CACNA2D4: variants seen among roughly 807,000 people sequenced by gnomAD.
CACNA2D4 encodes the protein calcium voltage-gated channel auxiliary subunit alpha2delta 4.
CACNA2D4 carries 157 observed loss-of-function variants against 163.8 expected under a neutral mutation model. The ratio of observed to expected loss-of-function variants is 0.96; its 90% CI spans 0.84 to 1.09. The LOEUF (loss-of-function observed/expected upper bound fraction) is 1.09. Ranked by LOEUF, CACNA2D4 falls within the 50% of genes least tolerant of loss-of-function variation. The pLI, the probability that CACNA2D4 is intolerant of heterozygous loss-of-function variation, is 0.00. For missense variants in CACNA2D4, 1,410 were observed against 1,479.9 expected (o/e 0.95, Z 0.78); for synonymous variants, 598 against 586.9 (o/e 1.02, Z -0.27).
chr12:1,821,457 G>A (rs1864097119), intron 26 of CACNA2D4, among the ~76,000 whole-genome samples: 1 of 152,328 alleles, frequency 6.6e-6, no homozygotes, highest in South Asian at 2.1e-4. Context: ...GGCTGGGAGT[G>A]GGCAGGAGAG....
At position 1,906,272 on chromosome 12, in the gene CACNA2D4, G is replaced by T. The variant is rs115034201; in HGVS notation, c.781+1168C>A. Among the ~76,000 whole-genome samples, 538 of 152,046 alleles carry T rather than the reference G, an allele frequency of 3.5e-3. 3 individuals carry two copies. Among genetic ancestry groups the T allele is most frequent in the African/African-American group, 0.012 (492 of 41,462 alleles). ...CATTAGAGTTGGCAGTCATTCCTTG[G>T]GTATGACACCAAAGGCAAAGAAAAC... On this transcript the variant is annotated intron_variant, in intron 6 of 37. Coordinates refer to ENST00000382722, the MANE Select transcript of CACNA2D4 (RefSeq NM_172364.5).
In CACNA2D4 at chr12:1,798,150, C is replaced by T. The variant is rs745434706; in HGVS notation, c.2996-615G>A. Reference sequence around the variant, plus strand: ...GGGCTGCGCGATTTGCCTTAGCTCCCTGGGACAAGGACAGTGGACTCAACC... The same window carrying T: ...GGGCTGCGCGATTTGCCTTAGCTCCTTGGGACAAGGACAGTGGACTCAACC... On this transcript the variant is annotated intron_variant, in intron 34 of 37. Coordinates refer to ENST00000382722, the MANE Select transcript of CACNA2D4 (RefSeq NM_172364.5). This position sits in a 1 kb window ranked among gnomAD's most constrained non-coding sequence, Gnocchi z 4.3. 6.6e-6 allele frequency among the ~76,000 whole-genome samples: 1 copy of T among 152,206 alleles called. No homozygotes were observed. The highest frequency in any genetic ancestry group is 1.5e-5 in the Non-Finnish European group (1 of 68,018).
chr12:1,859,174 C>A (rs1194663959), intron 19 of CACNA2D4, among the ~76,000 whole-genome samples: 2 of 152,088 alleles, frequency 1.3e-5, no homozygotes, highest in African/African-American at 2.4e-5. Context: ...CACAGCGAGA[C>A]CCCAGCTCTA....
chr12:1,835,905 G>A (rs1413440071), intron 26 of CACNA2D4: 1 of 152,470 alleles, frequency 6.6e-6, no homozygotes, highest in Non-Finnish European at 1.5e-5. Context: ...CCTGGCCTGT[G>A]ACTTCAGGGC....
chr12:1,902,931 A>G lies in CACNA2D4; in HGVS notation c.781+4509T>C, dbSNP rs1866569956. Among the ~76,000 whole-genome samples, 6 of 152,244 alleles carry G rather than the reference A, an allele frequency of 3.9e-5. No homozygotes were observed. The South Asian group carries it at 1.0e-3, about 26-fold the overall frequency. ...AAGTTATCCTGAGCAAAAAGAACAA[A>G]ACTGGAGGAGTAACATTACCTGACT... On this transcript the variant is annotated intron_variant, in intron 6 of 37. Coordinates refer to ENST00000382722, the MANE Select transcript of CACNA2D4 (RefSeq NM_172364.5).
chr12:1,796,539 C>T (rs1863132993), intron 35 of CACNA2D4, among the ~76,000 whole-genome samples: 1 of 152,228 alleles, frequency 6.6e-6, no homozygotes, highest in African/African-American at 2.4e-5. Flanking sequence ...CTCCGGAGCC[C>T]GCTGGCTCTA....
chr12:1,814,723 A>C (rs1192904280), intron 26 of CACNA2D4, among the ~76,000 whole-genome samples: 1 of 152,180 alleles, frequency 6.6e-6, no homozygotes. Context: ...CCCTTGGCCA[A>C]GCCAACATTG....
At chr12:1,817,629 G>T (rs993680729) in intron 26 of CACNA2D4, among the ~76,000 whole-genome samples, 2 of 152,210 alleles carry the variant, frequency 1.3e-5, no homozygotes, top group African/African-American at 4.8e-5. Context: ...GATTGCAGGC[G>T]TGCGCCGCCA....
rs58188909 is a variant in CACNA2D4, at chr12:1,840,845, A to AC, written c.2471-27_2471-26insG. The stretch of plus-strand genomic sequence containing the variant: ...CTGGGGAAACAGAGACAACCCAGTC[A>AC]TGGGGAAGAGCTGTGGTTGGGGCAG... On this transcript the variant is annotated intron_variant, in intron 25 of 37. Transcript: ENST00000382722. The AC allele has an allele frequency of 0.89, 1,431,695 of 1,609,380 alleles. 638,037 individuals are homozygous for AC. Among genetic ancestry groups the AC allele is most frequent in the East Asian group, 1 (44,848 of 44,860 alleles).
chr12:1,908,438 C>T (rs1484480448), intron 4 of CACNA2D4, among the ~76,000 whole-genome samples: 1 of 152,212 alleles, frequency 6.6e-6, no homozygotes, highest in African/African-American at 2.4e-5. Flanking sequence ...CGAGCCTGCG[C>T]AATCTTGGGG....
intron 19 of CACNA2D4, among the ~76,000 whole-genome samples, chr12:1,859,549 A>C (rs1272450531): frequency 6.6e-6 from 1 of 152,228 alleles, no homozygotes; most frequent in African/African-American, 2.4e-5. Flanking sequence ...GGAACCTGAG[A>C]TCTTCCAATT....
chr12:1,915,276 G>C, intron 1 of CACNA2D4: 1 of 702,580 alleles, frequency 1.4e-6, no homozygotes, highest in Admixed American at 2.0e-5. Context: ...CGGCTGCACT[G>C]CTGTGTGCTG....
At chr12:1,826,752 C>T (rs1053543020) in intron 26 of CACNA2D4, among the ~76,000 whole-genome samples, 2 of 152,316 alleles carry the variant, frequency 1.3e-5, no homozygotes, top group Admixed American at 1.3e-4. Context: ...CTGCTGTGGC[C>T]GCCTGAGGAG....
At position 1,844,318 on chromosome 12, in the gene CACNA2D4, A is replaced by C; in HGVS notation, c.2470+84T>G. On this transcript the variant is annotated intron_variant, in intron 25 of 37. Transcript: ENST00000382722. This position sits in a 1 kb window ranked among gnomAD's most constrained non-coding sequence, Gnocchi z 4.2. The stretch of plus-strand genomic sequence containing the variant: ...ACATTCTATTCCATATCTCGTTCCC[A>C]TTTCCCACTAAGAGCACAGCAGGAG... The C allele has an allele frequency of 6.7e-7, 1 of 1,501,484 alleles. No homozygotes were observed. Among genetic ancestry groups the C allele is most frequent in the Non-Finnish European group, 9.1e-7 (1 of 1,100,008 alleles). The allele number at this position is 1,501,484 out of a possible 1,614,324, so 93.0% of individuals were successfully genotyped here. A position where few individuals can be genotyped will look rare whatever the true frequency, so the allele number is the denominator to read the frequency against.
intron 3 of CACNA2D4, among the ~76,000 whole-genome samples, chr12:1,911,440 G>C (rs1002179826): frequency 7.9e-5 from 12 of 152,100 alleles, no homozygotes; most frequent in African/African-American, 2.9e-4. Context: ...TCAGGGCCAA[G>C]CCACTAAGCC....
In CACNA2D4 at chr12:1,834,634, C is replaced by T; in HGVS notation, c.2551+6105G>A. 1 of 1,600,422 alleles carries T rather than the reference C, an allele frequency of 6.2e-7. No individual in the cohort carries two copies. The highest frequency in any genetic ancestry group is 8.5e-7 in the Non-Finnish European group (1 of 1,179,874). ...TCTACGCCTCCCTCATGGCCAAGTACCACCGGGAGCTCAAAAAGCGCCAGC... is the reference window on the plus strand; with the variant it reads ...TCTACGCCTCCCTCATGGCCAAGTATCACCGGGAGCTCAAAAAGCGCCAGC... On this transcript the variant is annotated intron_variant, in intron 26 of 37. Transcript: ENST00000382722. The surrounding 1 kb of genome is among the most constrained non-coding windows in gnomAD (Gnocchi z 7.6).
In CACNA2D4 at chr12:1,897,676, C is replaced by T. The variant is rs371993152; in HGVS notation, c.781+9764G>A. Among the ~76,000 whole-genome samples the T allele has an allele frequency of 3.9e-5, 6 of 151,962 alleles. No homozygotes were observed. The East Asian group carries it at 7.7e-4, about 20-fold the overall frequency. ...GATATGGCTAAAATGACAGAAAGTTCGTAAATAAAGGGATAGAGGAAAAAG... is the reference window on the plus strand; with the variant it reads ...GATATGGCTAAAATGACAGAAAGTTTGTAAATAAAGGGATAGAGGAAAAAG... On this transcript the variant is annotated intron_variant, in intron 6 of 37. Transcript: ENST00000382722.
At chr12:1,850,018 G>A (rs1865238598) in intron 23 of CACNA2D4, among the ~76,000 whole-genome samples, 1 of 152,116 alleles carries the variant, frequency 6.6e-6, no homozygotes, top group Admixed American at 6.5e-5. Flanking sequence ...GTTATTAAAG[G>A]TGCTATAATG....
intron 29 of CACNA2D4, chr12:1,809,713 G>C (rs1189737022): frequency 3.3e-6 from 2 of 612,148 alleles, no homozygotes; most frequent in African/African-American, 3.7e-5. Flanking sequence ...ATTAGGATGT[G>C]CAAGCCAGGC....
Sources: allele counts gnomAD v4.1 joint callset (sites outside exome capture counted in the v4.1 genomes callset), GRCh38; gene constraint gnomAD v4.1.1; non-coding constraint Gnocchi (gnomAD v3.1); transcripts MANE v1.5; gene names NCBI Gene and HGNC (gene_info 2026-07-23, HGNC 2026-07-21).